The following CTSB variants were observed in gnomAD, a reference collection of about 807,000 sequenced individuals.
CTSB encodes APP secretase.
Under a neutral mutation model 44.3 loss-of-function variants are expected in CTSB, and 57 were observed. The observed-to-expected ratio is 1.29, with a 90% CI of 1.04 to 1.60. The LOEUF is 1.60. CTSB is among the 40% of genes most tolerant of loss of function. CTSB has a pLI of 0.00. For missense variants in CTSB, 768 were observed against 443.0 expected, an observed-to-expected ratio of 1.73 and a Z score of -6.59; for synonymous variants, 320 against 168.0, an observed-to-expected ratio of 1.91 and a Z score of -7.00.
At chr8:11,845,469 T>G (rs1563376744) in intron 9 of CTSB, among the ~76,000 whole-genome samples, 192 bp downstream of exon 9, 1 of 152,170 alleles carries the variant, frequency 6.6e-6, no homozygotes, top group Non-Finnish European at 1.5e-5. Flanking sequence ...AGGCGTTGGC[T>G]CTGAAGCTGC....
At chr8:11,863,335 T>C (rs950739762) in intron 1 of CTSB, among the ~76,000 whole-genome samples, 1 of 152,068 alleles carries the variant, frequency 6.6e-6, no homozygotes, top group Admixed American at 6.6e-5. Context: ...GGCACACGCC[T>C]GTAATCCCAG....
Position 11,843,370 on chromosome 8 carries a change from C to CTT in CTSB, c.*1753_*1754dup, listed in dbSNP as rs1315790149. On this transcript the variant is annotated 3_prime_UTR_variant, in exon 10 of 10. Transcript: ENST00000353047. ...ATTCTGAGTCACATCAGAAGCCAAA[C>CTT]TTGAATGCTTTTGGAAAGAGCTAGC... 6.6e-6 allele frequency: 1 copy of CTT among 152,182 alleles called. No individual in the cohort carries two copies. Among genetic ancestry groups the CTT allele is most frequent in the Non-Finnish European group, 1.5e-5 (1 of 68,030 alleles). The allele number at this position is 152,182 out of a possible 1,614,324, so 9.4% of individuals were successfully genotyped here.
At chr8:11,848,183 G>C in intron 5 of CTSB, 31 bp from the exon 6 acceptor site, 3 of 1,590,130 alleles carry the variant, frequency 1.9e-6, no homozygotes. Context: ...GAAAACCTCT[G>C]AGAGAAGCAC....
chr8:11,860,051 G>A (rs1476122832), intron 1 of CTSB, among the ~76,000 whole-genome samples: 10 of 151,502 alleles, frequency 6.6e-5, no homozygotes, highest in Admixed American at 4.6e-4. Flanking sequence ...CAGCCTGGGC[G>A]ACAGAGCAAC....
rs1400902450 is a variant in CTSB at position 11,843,543 on chromosome 8, A to AC, written c.*1581dup. ...GCTATGCAAAGCACTAGAGTTCCTG[A>AC]CCAGCAATGCAAACCAGTGGCATAC... On this transcript the variant is annotated 3_prime_UTR_variant, in exon 10 of 10. Transcript: ENST00000353047. 1 of 152,252 alleles carries AC rather than the reference A, an allele frequency of 6.6e-6. No individual in the cohort carries two copies. The highest frequency in any genetic ancestry group is 1.5e-5 in the Non-Finnish European group (1 of 68,054). 9.4% of individuals were successfully genotyped at this position (152,252 alleles called of 1,614,324 possible).
chr8:11,862,149 G>T (rs1003338157), intron 1 of CTSB, among the ~76,000 whole-genome samples: 8 of 151,370 alleles, frequency 5.3e-5, no homozygotes, highest in Non-Finnish European at 1.0e-4. Context: ...GGAGTTTGCA[G>T]TGAGCCGAGA....
At chr8:11,867,343 G>C (rs901517166) in intron 1 of CTSB, 1 of 152,472 alleles carries the variant, frequency 6.6e-6, no homozygotes, top group African/African-American at 2.4e-5. Context: ...CTCCCCACCG[G>C]CATCCAATCG....
chr8:11,851,725 G>T (rs1406422232), intron 3 of CTSB, among the ~76,000 whole-genome samples: 1 of 151,924 alleles, frequency 6.6e-6, no homozygotes, highest in Non-Finnish European at 1.5e-5. Flanking sequence ...CGTGGGAAGT[G>T]GCATCATCTC....
rs1189775816 is a variant in CTSB, at chr8:11,842,675, C to T, written c.*2450G>A. ...TGGTGAGACACAGATTCACTCTTGT[C>T]CCCCAGGCTGGAGTGCAATGGCGTG... On this transcript the variant is annotated 3_prime_UTR_variant, in exon 10 of 10. Transcript: ENST00000353047. 2.6e-5 allele frequency: 4 copies of T among 151,662 alleles called. No individual in the cohort carries two copies. The highest frequency in any genetic ancestry group is 9.7e-5 in the African/African-American group (4 of 41,234). The allele number at this position is 151,662 out of a possible 1,614,324, so 9.4% of individuals were successfully genotyped here.
intron 8 of CTSB, 112 bp from the exon 9 acceptor site, chr8:11,845,901 G>A (rs936131731): frequency 3.8e-6 from 5 of 1,328,220 alleles, no homozygotes; most frequent in Non-Finnish European, 5.0e-6. Context: ...CTTCCAGAGG[G>A]AACCTGCTGC....
chr8:11,848,551 G>T, intron 5 of CTSB: 1 of 352,988 alleles, frequency 2.8e-6, no homozygotes, highest in South Asian at 2.4e-5. Flanking sequence ...CTAGTTAGGG[G>T]AGAAGCCCAT....
chr8:11,844,928 T>C lies in CTSB; in HGVS notation c.*197A>G. 1 of 583,212 alleles carries C rather than the reference T, an allele frequency of 1.7e-6. No individual in the cohort carries two copies. Among genetic ancestry groups the C allele is most frequent in the Non-Finnish European group, 3.1e-6 (1 of 326,306 alleles). The allele number at this position is 583,212 out of a possible 1,614,324, so 36.1% of individuals were successfully genotyped here. ...GACGCTCTGTGCTGGCAGCGGTGGC[T>C]CACATGGCCTGTCTGCACTGTAACC... On this transcript the variant is annotated 3_prime_UTR_variant, in exon 10 of 10. Transcript: ENST00000353047.
At chr8:11,852,823 G>GGA (rs1450763767) in intron 2 of CTSB, 128 bp from the exon 3 acceptor site, 1 of 774,858 alleles carries the variant, frequency 1.3e-6, no homozygotes, top group Non-Finnish European at 2.1e-6. Flanking sequence ...CAAGGGTTGG[G>GGA]GGGCACTGGG....
chr8:11,843,270 G>GTGCC lies in CTSB; in HGVS notation c.*1854_*1855insGGCA, dbSNP rs1812593500. 3 of 152,154 alleles carry GTGCC rather than the reference G, an allele frequency of 2.0e-5. No homozygotes were observed. The highest frequency in any genetic ancestry group is 2.1e-4 in the South Asian group (1 of 4,830). The allele number at this position is 152,154 out of a possible 1,614,324, so 9.4% of individuals were successfully genotyped here. Reference sequence around the variant, plus strand: ...CTGTTATGCTCATCATGGCACTTAAGAGATGCTTAACAAACCTTTCCTACA... The same window carrying GTGCC: ...CTGTTATGCTCATCATGGCACTTAAGTGCCAGATGCTTAACAAACCTTTCCTACA... On this transcript the variant is annotated 3_prime_UTR_variant, in exon 10 of 10. Transcript: ENST00000353047.
chr8:11,846,539 G>C (rs565060444), intron 8 of CTSB: 7 of 153,734 alleles, frequency 4.6e-5, no homozygotes, highest in African/African-American at 1.7e-4. Flanking sequence ...CAGATTCCTT[G>C]GTTGGAGTCC....
intron 4 of CTSB, 82 bp downstream of exon 4, chr8:11,850,784 C>T: frequency 2.1e-6 from 2 of 948,446 alleles, no homozygotes; most frequent in Non-Finnish European, 3.2e-6. Context: ...TCAGAGTTGT[C>T]CCCACCCCGA....
chr8:11,859,509 C>T (rs1284757599), intron 1 of CTSB, among the ~76,000 whole-genome samples: 1 of 152,078 alleles, frequency 6.6e-6, no homozygotes, highest in East Asian at 1.9e-4. Flanking sequence ...GCCTGTAATC[C>T]CAGCGCTTTG....
chr8:11,863,656 C>T (rs1482302110), intron 1 of CTSB, among the ~76,000 whole-genome samples: 1 of 152,144 alleles, frequency 6.6e-6, no homozygotes, highest in Non-Finnish European at 1.5e-5. Context: ...TAATGGAACA[C>T]TAGGCATAAG....
At chr8:11,856,070 G>A (rs991259518) in intron 1 of CTSB, among the ~76,000 whole-genome samples, 7 of 151,824 alleles carry the variant, frequency 4.6e-5, no homozygotes, top group African/African-American at 1.5e-4. Flanking sequence ...CCTCAGGGAG[G>A]TGCAGATAAA....
Sources: gnomAD v4.1 joint callset for allele counts (sites outside exome capture counted in the v4.1 genomes callset) on GRCh38, gnomAD v4.1.1 for gene constraint, MANE v1.5 for transcripts, NCBI Gene and HGNC (gene_info 2026-07-23, HGNC 2026-07-21) for gene names.